DMD: variants seen among roughly 807,000 people sequenced by gnomAD.
DMD encodes mutant dystrophin.
DMD carries 63 observed loss-of-function variants against 330.1 expected under a neutral mutation model. The observed-to-expected ratio is 0.19, with a 90% CI of 0.16 to 0.24. The LOEUF is 0.24. Among genes scored for constraint, DMD ranks in the 10% least tolerant of loss-of-function variants. The pLI is 1.00. For synonymous variants in DMD, 1,223 were observed against 959.8 expected (o/e 1.27, Z -5.07); for missense variants, 3,344 against 2,684.1 (o/e 1.25, Z -5.43).
intron 61 of DMD, among the ~76,000 whole-genome samples, chrX:31,335,428 TA>T (rs953020661): frequency 8.9e-6 from 1 of 112,355 alleles, no homozygotes; most frequent in African/African-American, 3.2e-5. Flanking sequence ...TTATTTTTAA[TA>T]AAAAAGTAAT....
chrX:32,716,107 C>T (rs2065692250), intron 7 of DMD, among the ~76,000 whole-genome samples: 1 of 111,518 alleles, frequency 9.0e-6, no homozygotes, highest in Admixed American at 9.6e-5. Context: ...CAGAAAAATA[C>T]TGAACAGCGT....
intron 29 of DMD, among the ~76,000 whole-genome samples, chrX:32,425,989 G>A (rs912658456): frequency 8.9e-6 from 1 of 111,845 alleles, no homozygotes; most frequent in Non-Finnish European, 1.9e-5. Context: ...CAAGATGAAT[G>A]AAAGACTTAA....
In DMD at chrX:32,336,383, C is replaced by T. The variant is rs6628705; in HGVS notation, c.5922+5717G>A. Among the ~76,000 whole-genome samples, 22 of 111,746 alleles carry T rather than the reference C, an allele frequency of 2.0e-4. No homozygotes were observed. In the East Asian group the frequency reaches 4.5e-3, roughly 23 times the overall value. ...ACAAACAAGGTTAATTTTCTATCAG[C>T]CTTCCAAGAGCATGTATATTTTGGA... is the stretch of plus-strand genomic sequence containing the variant. On this transcript the variant is annotated intron_variant, in intron 41 of 78. Coordinates refer to ENST00000357033, the MANE Select transcript of DMD (RefSeq NM_004006.3).
chrX:32,780,474 A>G (rs1003760328), intron 7 of DMD, among the ~76,000 whole-genome samples: 1 of 112,311 alleles, frequency 8.9e-6, no homozygotes, highest in South Asian at 3.6e-4. Context: ...AACCACAGGT[A>G]TATGTTTTAG....
At chrX:32,483,055 A>G (rs775073551) in intron 21 of DMD, among the ~76,000 whole-genome samples, 3 of 104,341 alleles carry the variant, frequency 2.9e-5, no homozygotes, top group Non-Finnish European at 5.9e-5. Context: ...GCCAGTTCGG[A>G]TATAATGCAT....
intron 7 of DMD, among the ~76,000 whole-genome samples, chrX:32,797,982 G>A (rs996286856): frequency 1.8e-5 from 2 of 111,644 alleles, no homozygotes; most frequent in Admixed American, 9.5e-5. Flanking sequence ...CCCCAACTGA[G>A]TAAGAAACTC....
intron 7 of DMD, among the ~76,000 whole-genome samples, chrX:32,786,327 C>T (rs1486973385): frequency 9.1e-6 from 1 of 109,578 alleles, no homozygotes; most frequent in African/African-American, 3.3e-5. Context: ...GTTCACATCA[C>T]GACCTCACTG....
chrX:32,613,690 C>T (rs2057347710), intron 12 of DMD, among the ~76,000 whole-genome samples: 1 of 110,264 alleles, frequency 9.1e-6, no homozygotes, highest in Admixed American at 9.7e-5. Flanking sequence ...AGTCTGTCTT[C>T]CAGGAAAGCA....
chrX:33,189,221 T>C (rs2148777578), intron 1 of DMD, among the ~76,000 whole-genome samples: 1 of 111,213 alleles, frequency 9.0e-6, no homozygotes, highest in Non-Finnish European at 1.9e-5. Context: ...CACATGCCCT[T>C]AGATATGTAT....
At chrX:33,080,999 C>T (rs2094920593) in intron 1 of DMD, among the ~76,000 whole-genome samples, 2 of 105,972 alleles carry the variant, frequency 1.9e-5, no homozygotes, top group Admixed American at 2.0e-4. Flanking sequence ...CACACACACA[C>T]ACACACACAA....
At chrX:31,858,691 A>G (rs2093654787) in intron 48 of DMD, among the ~76,000 whole-genome samples, 1 of 111,234 alleles carries the variant, frequency 9.0e-6, no homozygotes, top group African/African-American at 3.3e-5. Flanking sequence ...CATATACAGT[A>G]TAATGTTCAA....
At chrX:33,333,274 G>T in intron 1 of DMD, among the ~76,000 whole-genome samples, 1 of 111,301 alleles carries the variant, frequency 9.0e-6, no homozygotes, top group Non-Finnish European at 1.9e-5. Context: ...TTCATTCAGA[G>T]ATATATTAAG....
rs1248664588 is a variant in DMD, at chrX:32,321,622, A to C, written c.5923-11346T>G. On this transcript the variant is annotated intron_variant, in intron 41 of 78. Transcript: ENST00000357033. ...GTTTTCCCATATGTAAATTTTGTGA[A>C]TAGGTTTCAGCTTGTTAAATAATTA... 2.7e-5 allele frequency among the ~76,000 whole-genome samples: 3 copies of C among 111,616 alleles called. No homozygotes were observed. In the Admixed American group the frequency reaches 2.9e-4, roughly 11 times the overall value.
At chrX:31,808,186 T>C (rs1221239205) in intron 50 of DMD, among the ~76,000 whole-genome samples, 1 of 111,756 alleles carries the variant, frequency 8.9e-6, no homozygotes, top group African/African-American at 3.2e-5. Context: ...ATGGCTATGA[T>C]AGGCCTATAT....
At chrX:32,507,672 CAG>C (rs745657943) in intron 18 of DMD, among the ~76,000 whole-genome samples, 2 of 111,401 alleles carry the variant, frequency 1.8e-5, no homozygotes, top group East Asian at 2.8e-4. Context: ...AAGTGAGGCA[CAG>C]AGAGGTTTGT....
chrX:32,783,248 A>ATATACGTG (rs1443113737), intron 7 of DMD, among the ~76,000 whole-genome samples: 6 of 100,244 alleles, frequency 6.0e-5, no homozygotes, highest in Admixed American at 1.1e-4. Flanking sequence ...ACATATGTGT[A>ATATACGTG]TATACGTATA....
intron 76 of DMD, among the ~76,000 whole-genome samples, chrX:31,145,958 G>GC (rs1039374905): frequency 8.9e-6 from 1 of 112,089 alleles, no homozygotes; most frequent in Non-Finnish European, 1.9e-5. Context: ...TCCACGCCCA[G>GC]CCCCCTGGCA....
At chrX:31,256,655 A>C (rs1004060790) in intron 63 of DMD, among the ~76,000 whole-genome samples, 2 of 111,778 alleles carry the variant, frequency 1.8e-5, no homozygotes, top group Admixed American at 9.5e-5. Context: ...AAAATACATG[A>C]GATGATCTCT....
chrX:32,757,990 T>C (rs894901076), intron 7 of DMD, among the ~76,000 whole-genome samples: 1 of 111,827 alleles, frequency 8.9e-6, no homozygotes, highest in South Asian at 3.8e-4. Flanking sequence ...TAAATTGTCC[T>C]TCAAAGGGAC....
Sources: gnomAD v4.1 joint callset for allele counts (sites outside exome capture counted in the v4.1 genomes callset) on GRCh38, gnomAD v4.1.1 for gene constraint, MANE v1.5 for transcripts, NCBI Gene and HGNC (gene_info 2026-07-23, HGNC 2026-07-21) for gene names.